Variants in FHIT observed in about 807,000 individuals in gnomAD.
FHIT encodes the protein bis(5'-adenosyl)-triphosphatase.
FHIT carries 19 observed loss-of-function variants against 17.9 expected under a neutral mutation model. That is an observed-to-expected ratio of 1.06 (90% CI 0.74 to 1.56). The LOEUF is 1.56. FHIT is among the 40% of genes most tolerant of loss of function. The pLI is 0.00. For missense variants in FHIT, 248 were observed against 189.2 expected, an observed-to-expected ratio of 1.31 and a Z score of -1.82; for synonymous variants, 81 against 69.7, an observed-to-expected ratio of 1.16 and a Z score of -0.81.
intron 3 of FHIT, among the ~76,000 whole-genome samples, chr3:60,927,596 G>C (rs11714964): frequency 1.3e-5 from 2 of 150,338 alleles, no homozygotes; most frequent in African/African-American, 2.4e-5. Context: ...CTGCCCGGCC[G>C]CCCCGTCTGG....
intron 6 of FHIT, among the ~76,000 whole-genome samples, chr3:60,012,663 A>C (rs2736793): frequency 0.37 from 56,608 of 151,882 alleles, 10,671 homozygotes; most frequent in African/African-American, 0.43. Context: ...CAATATAGGC[A>C]TATGCATATA....
intron 5 of FHIT, among the ~76,000 whole-genome samples, chr3:60,399,776 C>A (rs1018899076): frequency 2.6e-5 from 4 of 152,110 alleles, no homozygotes; most frequent in Non-Finnish European, 5.9e-5. Context: ...AGCCTTGAAA[C>A]TAGTCCCTAT....
In FHIT at chr3:60,929,675, A is replaced by G. The variant is rs531280562; in HGVS notation, c.-110-107664T>C. On this transcript the variant is annotated intron_variant, in intron 3 of 9. Transcript: ENST00000492590. The stretch of plus-strand genomic sequence containing the variant: ...TACAAGGGATGTGAAGGACCTCTTC[A>G]AGGAGAACTACAAACCACTACTTAA... Among the ~76,000 whole-genome samples, 12 of 152,350 alleles carry G rather than the reference A, an allele frequency of 7.9e-5. No homozygotes were observed. The South Asian group carries it at 2.5e-3, about 32-fold the overall frequency.
intron 5 of FHIT, among the ~76,000 whole-genome samples, chr3:60,193,488 G>C (rs1702493482): frequency 6.6e-6 from 1 of 152,160 alleles, no homozygotes; most frequent in Non-Finnish European, 1.5e-5. Context: ...GTTGGCTAAA[G>C]AGCTTCCAGA....
intron 4 of FHIT, among the ~76,000 whole-genome samples, chr3:60,727,436 T>C (rs2041939006): frequency 6.6e-6 from 1 of 152,180 alleles, no homozygotes; most frequent in South Asian, 2.1e-4. Context: ...ATAATTATGA[T>C]AAGACTAATC....
intron 4 of FHIT, among the ~76,000 whole-genome samples, chr3:60,597,772 CTTGCT>C (rs1553667149): frequency 1.3e-5 from 2 of 152,162 alleles, no homozygotes; most frequent in Non-Finnish European, 2.9e-5. Flanking sequence ...CCTAATTCTT[CTTGCT>C]TTATCTGAAA....
At chr3:60,497,278 G>A (rs1287111359) in intron 5 of FHIT, among the ~76,000 whole-genome samples, 1 of 151,974 alleles carries the variant, frequency 6.6e-6, no homozygotes, top group Non-Finnish European at 1.5e-5. Context: ...AGAATAAGAT[G>A]ACAGGTGGGG....
intron 4 of FHIT, among the ~76,000 whole-genome samples, chr3:60,696,129 GGAAA>G (rs1487213623): frequency 2.6e-5 from 4 of 151,562 alleles, no homozygotes; most frequent in Non-Finnish European, 5.9e-5. Context: ...AAGGAAGGAA[GGAAA>G]GAAGGAAGGA....
chr3:59,785,385 C>G (rs1342300177), intron 8 of FHIT, among the ~76,000 whole-genome samples: 1 of 150,638 alleles, frequency 6.6e-6, no homozygotes, highest in African/African-American at 2.4e-5. Context: ...TCTTGGCTCA[C>G]TGCAACCTCT....
intron 3 of FHIT, among the ~76,000 whole-genome samples, chr3:60,969,657 G>A (rs1390130073): frequency 1.3e-5 from 2 of 151,974 alleles, no homozygotes; most frequent in East Asian, 1.9e-4. Context: ...TTTTATTACT[G>A]ATTTCCACCT....
chr3:60,387,219 G>A (rs961645934), intron 5 of FHIT, among the ~76,000 whole-genome samples: 4 of 151,914 alleles, frequency 2.6e-5, no homozygotes, highest in Admixed American at 6.6e-5. Context: ...TGGAACTCCC[G>A]ACCTCAAGTG....
chr3:60,956,283 CTGGATGAGGAATTAG>C (rs1553778847), intron 3 of FHIT, among the ~76,000 whole-genome samples: 4 of 152,068 alleles, frequency 2.6e-5, no homozygotes, highest in African/African-American at 9.7e-5. Context: ...TAAAAGGATT[CTGGATGAGGAATTAG>C]AGGTATCCTA....
intron 3 of FHIT, among the ~76,000 whole-genome samples, chr3:60,923,051 G>A (rs1228829765): frequency 6.6e-6 from 1 of 152,184 alleles, no homozygotes; most frequent in African/African-American, 2.4e-5. Context: ...CAACTAGTGT[G>A]GTAGATTTAA....
intron 1 of FHIT, among the ~76,000 whole-genome samples, chr3:61,232,967 T>A (rs368594380): frequency 3.3e-5 from 5 of 152,364 alleles, no homozygotes; most frequent in Middle Eastern, 6.8e-3. Context: ...CATATTTGCC[T>A]GTGTGCTAAT....
chr3:59,811,183 A>G (rs1321347226), intron 8 of FHIT, among the ~76,000 whole-genome samples: 1 of 152,216 alleles, frequency 6.6e-6, no homozygotes, highest in Non-Finnish European at 1.5e-5. Flanking sequence ...CCCTCTCATA[A>G]CACATCTGTA....
intron 2 of FHIT, among the ~76,000 whole-genome samples, chr3:61,139,317 A>G (rs1335457950): frequency 6.6e-6 from 1 of 152,180 alleles, no homozygotes; most frequent in Non-Finnish European, 1.5e-5. Context: ...TTATTGCAGT[A>G]TAATCTCTTT....
At chr3:60,531,569 C>T (rs1387147826) in intron 5 of FHIT, among the ~76,000 whole-genome samples, 3 of 152,252 alleles carry the variant, frequency 2.0e-5, no homozygotes, top group East Asian at 1.9e-4. Flanking sequence ...TGAGCCACCG[C>T]GCCCGGCCGA....
intron 5 of FHIT, among the ~76,000 whole-genome samples, chr3:60,439,091 G>A: frequency 6.6e-6 from 1 of 152,118 alleles, no homozygotes; most frequent in East Asian, 1.9e-4. Flanking sequence ...AGGTGAGAAA[G>A]ATGATTACAA....
intron 2 of FHIT, among the ~76,000 whole-genome samples, chr3:61,099,528 T>C (rs1479179367): frequency 6.6e-6 from 1 of 152,190 alleles, no homozygotes; most frequent in Non-Finnish European, 1.5e-5. Flanking sequence ...AATTTAGCTG[T>C]GAATCCATCT....
Sources: gnomAD v4.1 joint callset for allele counts (sites outside exome capture counted in the v4.1 genomes callset) on GRCh38, gnomAD v4.1.1 for gene constraint, MANE v1.5 for transcripts, NCBI Gene and HGNC (gene_info 2026-07-23, HGNC 2026-07-21) for gene names.